S100A8: variants seen among roughly 807,000 people sequenced by gnomAD.
S100A8 encodes protein S100-A8.
A neutral mutation model predicts 4.2 loss-of-function variants in S100A8; 1 was observed. That is an observed-to-expected ratio of 0.24 (90% CI 0.08 to 1.12). The LOEUF (loss-of-function observed/expected upper bound fraction) is 1.12, where lower values mean the gene tolerates loss of function less well. Ranked by LOEUF, S100A8 falls within the 50% of genes most tolerant of loss-of-function variation. The pLI is 0.53. For synonymous variants in S100A8, 41 were observed against 44.7 expected, an observed-to-expected ratio of 0.92 and a Z score of 0.33; for missense variants, 96 against 111.8, an observed-to-expected ratio of 0.86 and a Z score of 0.64.
chr1:153,402,009 G>A, the S100A8 span, among the ~76,000 whole-genome samples: 2 of 152,292 alleles, frequency 1.3e-5, no homozygotes, highest in East Asian at 3.9e-4. Flanking sequence ...GGCTGTGCTT[G>A]AAGGGGGAGC....
At chr1:153,393,373 A>T (rs1329646497), upstream of S100A8, among the ~76,000 whole-genome samples, 1 of 152,166 alleles carries the variant, frequency 6.6e-6, no homozygotes, top group Non-Finnish European at 1.5e-5. Flanking sequence ...GGACCAGGAG[A>T]CCATTTAGAA....
At chr1:153,406,457 T>C in the S100A8 span, among the ~76,000 whole-genome samples, 2 of 152,096 alleles carry the variant, frequency 1.3e-5, no homozygotes, top group Admixed American at 6.6e-5. Context: ...GTGCCTTATA[T>C]TGGAGTTCTC....
the S100A8 span, chr1:153,418,163 T>A: frequency 1.2e-6 from 2 of 1,613,940 alleles, no homozygotes; most frequent in Admixed American, 3.3e-5. Flanking sequence ...ATGGCAAGAT[T>A]GAGAAGCCAA....
At chr1:153,412,903 A>G in the S100A8 span, among the ~76,000 whole-genome samples, 892 of 152,296 alleles carry the variant, frequency 5.9e-3, 7 homozygotes, top group African/African-American at 0.02. Context: ...CAAACATCAC[A>G]TGTTCTCACT....
At chr1:153,420,483 T>C in the S100A8 span, 1 of 152,314 alleles carries the variant, frequency 6.6e-6, no homozygotes, top group Non-Finnish European at 1.5e-5. Flanking sequence ...CTTGGAGGAA[T>C]CAGGCAAACA....
upstream of S100A8, chr1:153,391,114 T>A: frequency 8.1e-6 from 8 of 985,692 alleles, no homozygotes; most frequent in Non-Finnish European, 9.6e-6. Context: ...CGGTTAGGCT[T>A]GGCCAGCTGC....
upstream of S100A8, among the ~76,000 whole-genome samples, chr1:153,393,078 A>T (rs546029192): frequency 6.6e-6 from 1 of 152,280 alleles, no homozygotes; most frequent in South Asian, 2.1e-4. Flanking sequence ...CCACAGAGAG[A>T]CATAGTAATT....
At chr1:153,411,352 C>G in the S100A8 span, among the ~76,000 whole-genome samples, 1 of 152,050 alleles carries the variant, frequency 6.6e-6, no homozygotes, top group Non-Finnish European at 1.5e-5. Context: ...AAACACAGAG[C>G]CAAATCATGA....
the S100A8 span, chr1:153,419,672 A>G: frequency 8.4e-6 from 2 of 239,224 alleles, no homozygotes; most frequent in East Asian, 1.8e-4. Flanking sequence ...GACCAGGGTC[A>G]TTCAGACACA....
the S100A8 span, among the ~76,000 whole-genome samples, chr1:153,398,175 T>C: frequency 6.6e-6 from 1 of 152,036 alleles, no homozygotes; most frequent in Non-Finnish European, 1.5e-5. Flanking sequence ...CCCCAGGGCA[T>C]GGATAGACAG....
the S100A8 span, among the ~76,000 whole-genome samples, chr1:153,402,964 C>T: frequency 5.3e-5 from 8 of 150,194 alleles, no homozygotes; most frequent in South Asian, 2.1e-4. Flanking sequence ...AAGACACACA[C>T]GTATGGTATA....
At chr1:153,406,928 T>C in the S100A8 span, among the ~76,000 whole-genome samples, 3 of 152,368 alleles carry the variant, frequency 2.0e-5, no homozygotes, top group Non-Finnish European at 4.4e-5. Context: ...TTTGCTAAGA[T>C]TTTGATTTTA....
At chr1:153,391,595 A>C (rs1400790553), upstream of S100A8, among the ~76,000 whole-genome samples, 1 of 152,162 alleles carries the variant, frequency 6.6e-6, no homozygotes, top group Non-Finnish European at 1.5e-5. Flanking sequence ...CTCATTACTA[A>C]AAACTAAAAC....
the S100A8 span, among the ~76,000 whole-genome samples, chr1:153,403,587 C>T: frequency 1.3e-5 from 2 of 152,128 alleles, no homozygotes; most frequent in African/African-American, 2.4e-5. Flanking sequence ...CCCCACTCCA[C>T]GTCCACCCTG....
the S100A8 span, among the ~76,000 whole-genome samples, chr1:153,398,397 G>A: frequency 6.6e-6 from 1 of 152,162 alleles, no homozygotes; most frequent in Non-Finnish European, 1.5e-5. Context: ...CCTGGTTAGG[G>A]GGGCCACCGC....
the S100A8 span, among the ~76,000 whole-genome samples, chr1:153,406,704 T>C: frequency 1.3e-5 from 2 of 152,016 alleles, no homozygotes; most frequent in African/African-American, 4.8e-5. Context: ...CCCAAAACGA[T>C]AGAGGAGATG....
At chr1:153,421,532 G>A in the S100A8 span, 2 of 152,180 alleles carry the variant, frequency 1.3e-5, no homozygotes, top group Admixed American at 6.5e-5. Context: ...ACTACTTTAT[G>A]TAAACAGCAG....
chr1:153,417,563 G>A, the S100A8 span, among the ~76,000 whole-genome samples: 1 of 152,174 alleles, frequency 6.6e-6, no homozygotes, highest in African/African-American at 2.4e-5. Flanking sequence ...TGTCATGCAG[G>A]GCTTGCACTT....
At chr1:153,417,784 T>C in the S100A8 span, among the ~76,000 whole-genome samples, 93 of 152,308 alleles carry the variant, frequency 6.1e-4, no homozygotes, top group East Asian at 3.3e-3. Flanking sequence ...GTTGCTGGCC[T>C]CCGACTCTCC....
Sources: allele counts gnomAD v4.1 joint callset (sites outside exome capture counted in the v4.1 genomes callset), GRCh38; gene constraint gnomAD v4.1.1; transcripts MANE v1.5; gene names NCBI Gene and HGNC (gene_info 2026-07-23, HGNC 2026-07-21).